FAM156A: variants seen among roughly 807,000 people sequenced by gnomAD.
FAM156A encodes protein FAM156A/FAM156B.
At chrX:52,976,352 GAAA>G (rs1556792199) in intron 1 of FAM156A, among the ~76,000 whole-genome samples, 1 of 110,667 alleles carries the variant, frequency 9.0e-6, no homozygotes, top group African/African-American at 3.3e-5. Flanking sequence ...GCTGAGGCAG[GAAA>G]ACTGCTTGAA....
At chrX:52,973,496 T>C (rs1929197533) in intron 1 of FAM156A, among the ~76,000 whole-genome samples, 1 of 109,508 alleles carries the variant, frequency 9.1e-6, no homozygotes, top group African/African-American at 3.3e-5. Flanking sequence ...ATAAACATGT[T>C]TACACAAACA....
At chrX:52,990,581 C>A (rs1230752097) in intron 1 of FAM156A, among the ~76,000 whole-genome samples, 5 of 110,376 alleles carry the variant, frequency 4.5e-5, no homozygotes, top group African/African-American at 1.3e-4. Flanking sequence ...GTCAGGAGTT[C>A]AAGTCCAGCC....
chrX:52,986,767 C>T (rs1341662411), intron 1 of FAM156A, among the ~76,000 whole-genome samples: 1 of 111,646 alleles, frequency 9.0e-6, no homozygotes, highest in African/African-American at 3.3e-5. Flanking sequence ...TAAAGACTAA[C>T]TGCTTTCTCC....
chrX:52,976,443 CA>C (rs1271042990), intron 1 of FAM156A, among the ~76,000 whole-genome samples: 11 of 102,760 alleles, frequency 1.1e-4, no homozygotes, highest in East Asian at 3.0e-4. Context: ...GACTCCATCT[CA>C]AAAAAAAAAA....
At chrX:52,988,616 G>A (rs1930478503) in intron 1 of FAM156A, among the ~76,000 whole-genome samples, 1 of 112,380 alleles carries the variant, frequency 8.9e-6, no homozygotes, top group Non-Finnish European at 1.9e-5. Flanking sequence ...CCACCAGACA[G>A]GTTAGAATCC....
chrX:52,985,913 T>TA (rs1297337647), intron 1 of FAM156A, among the ~76,000 whole-genome samples: 2 of 107,834 alleles, frequency 1.9e-5, no homozygotes, highest in Admixed American at 1.0e-4. Context: ...CTGTCTCTAC[T>TA]AAAAAAAAAT....
At chrX:52,987,643 G>C (rs1180736723) in intron 1 of FAM156A, among the ~76,000 whole-genome samples, 8 of 101,938 alleles carry the variant, frequency 7.8e-5, no homozygotes, top group Non-Finnish European at 1.2e-4. Context: ...GTAAGACCCT[G>C]TCTCAAAAAA....
At chrX:52,975,415 G>A in intron 1 of FAM156A, among the ~76,000 whole-genome samples, 1 of 111,867 alleles carries the variant, frequency 8.9e-6, no homozygotes, top group Middle Eastern at 4.6e-3. Flanking sequence ...CAGTAACGGA[G>A]CACGCCATTG....
At chrX:52,993,012 C>G (rs1244602235) in intron 1 of FAM156A, among the ~76,000 whole-genome samples, 1 of 111,571 alleles carries the variant, frequency 9.0e-6, no homozygotes, top group Non-Finnish European at 1.9e-5. Context: ...CAGGTGTGAG[C>G]AGGAGAGCAG....
At chrX:52,987,296 C>A (rs998060427) in intron 1 of FAM156A, among the ~76,000 whole-genome samples, 1 of 111,901 alleles carries the variant, frequency 8.9e-6, no homozygotes. Context: ...ATGAAATTCC[C>A]AGCAGGATCT....
chrX:52,983,982 C>T (rs1930089701), intron 1 of FAM156A, among the ~76,000 whole-genome samples: 1 of 111,974 alleles, frequency 8.9e-6, no homozygotes, highest in South Asian at 3.7e-4. Flanking sequence ...CAGGCTCATT[C>T]TGGCAAATCC....
rs1278938212 is a variant in FAM156A, at chrX:52,981,622, A to T, written c.-434+13684T>A. The stretch of plus-strand genomic sequence containing the variant: ...TCTGAGGGACTGACAGAAGGCAGTC[A>T]GTCCAGGTTCTGTTAACCATTGACA... On this transcript the variant is annotated intron_variant, in intron 1 of 4. Coordinates refer to the FAM156A transcript ENST00000610625. Among the ~76,000 whole-genome samples, 9 of 111,688 alleles carry T rather than the reference A, an allele frequency of 8.1e-5. No homozygotes were observed. In the Admixed American group the frequency reaches 8.5e-4, roughly 11 times the overall value.
At chrX:52,982,432 T>C (rs1929976830) in intron 1 of FAM156A, among the ~76,000 whole-genome samples, 1 of 112,009 alleles carries the variant, frequency 8.9e-6, no homozygotes, top group Non-Finnish European at 1.9e-5. Context: ...CCAGACTGGG[T>C]GATAGAGTGA....
chrX:52,994,886 G>A (rs1931060722), intron 1 of FAM156A, among the ~76,000 whole-genome samples: 1 of 111,114 alleles, frequency 9.0e-6, no homozygotes, highest in South Asian at 3.8e-4. Flanking sequence ...AGGCTGAGGC[G>A]GGAGGATAGC....
At chrX:52,986,198 T>C (rs1930269105) in intron 1 of FAM156A, among the ~76,000 whole-genome samples, 1 of 108,289 alleles carries the variant, frequency 9.2e-6, no homozygotes, top group Non-Finnish European at 1.9e-5. Context: ...ATCGCCACAC[T>C]GACTTCCCTA....
At chrX:52,990,816 G>GAAAAGAAAAGAAAAGAAAAGAA (rs1930696629) in intron 1 of FAM156A, among the ~76,000 whole-genome samples, 1 of 100,550 alleles carries the variant, frequency 9.9e-6, no homozygotes, top group South Asian at 4.6e-4. Flanking sequence ...GAAAAGAAAA[G>GAAAAGAAAAGAAAAGAAAAGAA]AAAAGAAAAG....
At chrX:52,981,442 T>G (rs782285959) in intron 1 of FAM156A, among the ~76,000 whole-genome samples, 1 of 111,653 alleles carries the variant, frequency 9.0e-6, no homozygotes, top group South Asian at 3.8e-4. Flanking sequence ...GTGGTACCCC[T>G]GGACACCAAG....
intron 1 of FAM156A, among the ~76,000 whole-genome samples, chrX:52,984,392 G>A (rs1930118406): frequency 8.9e-6 from 1 of 112,249 alleles, no homozygotes; most frequent in Non-Finnish European, 1.9e-5. Flanking sequence ...CACCTATGCA[G>A]CATAAACTAT....
intron 1 of FAM156A, among the ~76,000 whole-genome samples, chrX:52,981,669 C>G (rs1314935866): frequency 8.9e-6 from 1 of 111,750 alleles, no homozygotes; most frequent in Admixed American, 9.5e-5. Context: ...TCTTCACAAG[C>G]ATGGATGACA....
Sources: allele counts gnomAD v4.1 joint callset (sites outside exome capture counted in the v4.1 genomes callset), GRCh38; gene constraint gnomAD v4.1.1; transcripts MANE v1.5; gene names NCBI Gene and HGNC (gene_info 2026-07-23, HGNC 2026-07-21).